Variants in PCDH15 observed in about 807,000 individuals in gnomAD.
PCDH15 encodes protocadherin related 15, also known as protocadherin-15.
PCDH15 carries 129 observed loss-of-function variants against 178.5 expected under a neutral mutation model. That is an observed-to-expected ratio of 0.72 (90% CI 0.63 to 0.84). PCDH15 has a LOEUF of 0.84. Among genes scored for constraint, PCDH15 ranks in the 40% least tolerant of loss-of-function variants. The pLI, the probability that PCDH15 is intolerant of heterozygous loss-of-function variation, is 0.00. For synonymous variants in PCDH15, 800 were observed against 732.0 expected, an observed-to-expected ratio of 1.09 and a Z score of -1.50; for missense variants, 2,230 against 2,099.9, an observed-to-expected ratio of 1.06 and a Z score of -1.21.
At chr10:55,346,231 T>C (rs1236102024) in intron 2 of PCDH15, among the ~76,000 whole-genome samples, 1 of 152,134 alleles carries the variant, frequency 6.6e-6, no homozygotes, top group Non-Finnish European at 1.5e-5. Flanking sequence ...ATTTAAAAAG[T>C]ATCAAAGAAA....
rs1479952710 is a variant in PCDH15, at chr10:55,192,550, A to G, written c.-155-25899T>C. ...AAGTTTCCTTTGCAATGTTTTGGATATTGAAATCTGGGAGTTTCAAAGACT... is the reference window on the plus strand; with the variant it reads ...AAGTTTCCTTTGCAATGTTTTGGATGTTGAAATCTGGGAGTTTCAAAGACT... On this transcript the variant is annotated intron_variant, in intron 1 of 5. Transcript: ENST00000458638. Among the ~76,000 whole-genome samples the G allele has an allele frequency of 3.3e-5, 5 of 151,864 alleles. No homozygotes were observed. In the East Asian group the frequency reaches 9.7e-4, roughly 29 times the overall value.
chr10:55,369,366 G>A (rs1408962281), intron 2 of PCDH15, among the ~76,000 whole-genome samples: 2 of 151,854 alleles, frequency 1.3e-5, no homozygotes, highest in Admixed American at 6.6e-5. Flanking sequence ...CTGAATATAT[G>A]AGCCAGATAG....
intron 31 of PCDH15, 42 bp from the exon 32 acceptor site, chr10:53,827,590 A>G: frequency 1.9e-6 from 3 of 1,612,104 alleles, no homozygotes; most frequent in Non-Finnish European, 2.5e-6. Context: ...CATTTTAGAA[A>G]TCATAATGCT....
intron 2 of PCDH15, among the ~76,000 whole-genome samples, chr10:55,037,196 A>G (rs1840756699): frequency 1.3e-5 from 2 of 152,270 alleles, no homozygotes; most frequent in South Asian, 4.1e-4. Context: ...TGATCTTTTC[A>G]GTTTTAAATA....
chr10:54,020,397 C>T lies in PCDH15; in HGVS notation c.2546G>A (p.Gly849Glu), dbSNP rs1299496804. ...TCTTATCCGGTAAGACACATTTGCT[C>T]CAAGGTCGACATCTTTGGCCTGTAA... ...LQIEAKDVDLGANVSYRIRSP... is the reference protein window; with the variant it reads ...LQIEAKDVDLEANVSYRIRSP... The change falls in exon 20 of 38, where the codon GGA becomes GAA. Residue 849 changes from glycine to glutamate, a missense_variant. Coordinates refer to ENST00000644397, the MANE Select transcript of PCDH15 (RefSeq NM_001384140.1). 6.2e-7 allele frequency: 1 copy of T among 1,613,632 alleles called. No individual in the cohort carries two copies. The highest frequency in any genetic ancestry group is 2.2e-5 in the East Asian group (1 of 44,862).
intron 26 of PCDH15, among the ~76,000 whole-genome samples, chr10:53,884,599 TA>T (rs1401303162): frequency 6.6e-6 from 1 of 152,200 alleles, no homozygotes; most frequent in Non-Finnish European, 1.5e-5. Context: ...TAGCTTTCAT[TA>T]AAAATTACAA....
intron 18 of PCDH15, among the ~76,000 whole-genome samples, chr10:54,025,024 T>C (rs1475571318): frequency 1.3e-5 from 2 of 152,186 alleles, no homozygotes; most frequent in African/African-American, 2.4e-5. Flanking sequence ...AAACTAATCA[T>C]TTATGCAATT....
intron 2 of PCDH15, among the ~76,000 whole-genome samples, chr10:55,051,106 T>C (rs970038250): frequency 6.6e-6 from 1 of 152,090 alleles, no homozygotes; most frequent in East Asian, 1.9e-4. Context: ...TTTACACCTT[T>C]TTCTTTGGTA....
intron 8 of PCDH15, among the ~76,000 whole-genome samples, chr10:54,245,608 T>C (rs953171501): frequency 1.3e-5 from 2 of 152,006 alleles, no homozygotes; most frequent in Non-Finnish European, 2.9e-5. Context: ...ATAAGGTAAA[T>C]GATTACTTAA....
chr10:55,383,047 G>A (rs758915078), intron 2 of PCDH15, among the ~76,000 whole-genome samples: 1 of 152,114 alleles, frequency 6.6e-6, no homozygotes, highest in Non-Finnish European at 1.5e-5. Context: ...TTCTAACTTG[G>A]CCTCCAGGAA....
chr10:54,052,813 G>A (rs757835290), intron 18 of PCDH15, among the ~76,000 whole-genome samples: 5 of 152,142 alleles, frequency 3.3e-5, no homozygotes, highest in South Asian at 2.1e-4. Context: ...TAATCCGCAT[G>A]TGTTGTGGGA....
chr10:54,693,031 T>G (rs2095155271), intron 1 of PCDH15, among the ~76,000 whole-genome samples: 1 of 151,978 alleles, frequency 6.6e-6, no homozygotes, highest in African/African-American at 2.4e-5. Flanking sequence ...TTCCCTCCCC[T>G]CATACCCTAC....
chr10:54,175,385 T>C (rs1016034586), intron 13 of PCDH15, among the ~76,000 whole-genome samples: 4 of 152,146 alleles, frequency 2.6e-5, no homozygotes, highest in African/African-American at 7.2e-5. Context: ...GTACGTGTCC[T>C]CCACAGAGCA....
chr10:55,266,438 G>C (rs1220441467), intron 1 of PCDH15, among the ~76,000 whole-genome samples: 1 of 152,170 alleles, frequency 6.6e-6, no homozygotes, highest in East Asian at 1.9e-4. Context: ...TGACACAGGA[G>C]GGGAGCATGG....
At chr10:54,645,618 T>C (rs113807066) in intron 2 of PCDH15, among the ~76,000 whole-genome samples, 3 of 152,208 alleles carry the variant, frequency 2.0e-5, no homozygotes, top group African/African-American at 7.2e-5. Context: ...GTAAGAAGAA[T>C]TGTAGCACAC....
At chr10:55,436,199 C>G (rs1839036013) in intron 2 of PCDH15, among the ~76,000 whole-genome samples, 1 of 151,976 alleles carries the variant, frequency 6.6e-6, no homozygotes, top group Non-Finnish European at 1.5e-5. Flanking sequence ...CCTTGCAAAT[C>G]AAACATAAAT....
rs34265770 is a variant in PCDH15, at chr10:54,004,863, GAA to G, written c.2752-9100_2752-9099del. The stretch of plus-strand genomic sequence containing the variant: ...TAGCCAAAGCTATATTAAACAAAAG[GAA>G]AAAAAAAAACACCTGGAGGAATCAC... On this transcript the variant is annotated intron_variant, in intron 20 of 37. Coordinates refer to ENST00000644397, the MANE Select transcript of PCDH15 (RefSeq NM_001384140.1). Among the ~76,000 whole-genome samples, 426 of 145,728 alleles carry G rather than the reference GAA, an allele frequency of 2.9e-3. 3 individuals are homozygous for G. Among genetic ancestry groups the G allele is most frequent in the Non-Finnish European group, 3.8e-3 (249 of 65,998 alleles).
chr10:54,485,233 G>A (rs556336360), intron 3 of PCDH15, among the ~76,000 whole-genome samples: 3 of 151,594 alleles, frequency 2.0e-5, no homozygotes, highest in South Asian at 2.1e-4. Context: ...AAAAATCTCC[G>A]ACTTTCTATA....
intron 2 of PCDH15, among the ~76,000 whole-genome samples, chr10:55,431,978 A>C (rs1360199348): frequency 2.0e-5 from 3 of 152,054 alleles, no homozygotes; most frequent in African/African-American, 7.2e-5. Context: ...GTAGTAAATA[A>C]TACTGTAAAC....
Sources: gnomAD v4.1 joint callset for allele counts (sites outside exome capture counted in the v4.1 genomes callset) on GRCh38, gnomAD v4.1.1 for gene constraint, MANE v1.5 for transcripts, NCBI Gene and HGNC (gene_info 2026-07-23, HGNC 2026-07-21) for gene names.